The following NRG2 variants were observed in gnomAD, a reference collection of about 807,000 sequenced individuals.
NRG2 encodes the protein neuregulin 2.
Under a neutral mutation model 73.9 loss-of-function variants are expected in NRG2, and 27 were observed. The observed-to-expected ratio is 0.37, with a 90% confidence interval of 0.27 to 0.50. NRG2 has a LOEUF of 0.50. Among genes scored for constraint, NRG2 ranks in the 20% least tolerant of loss-of-function variants. The pLI, the probability that NRG2 is intolerant of heterozygous loss-of-function variation, is 0.96. For synonymous variants in NRG2, 532 were observed against 541.0 expected (o/e 0.98, Z 0.23); for missense variants, 1,126 against 1,210.1 (o/e 0.93, Z 1.03).
At chr5:139,862,199 C>T (rs555057430) in intron 5 of NRG2, among the ~76,000 whole-genome samples, 3 of 152,194 alleles carry the variant, frequency 2.0e-5, no homozygotes, top group Non-Finnish European at 4.4e-5. Context: ...TGCATCACTC[C>T]TCTGGGAACC....
chr5:140,038,470 A>C lies in NRG2; in HGVS notation c.700+3900T>G, dbSNP rs77554368. Among the ~76,000 whole-genome samples, 121 of 152,342 alleles carry C rather than the reference A, an allele frequency of 7.9e-4. 1 individual carries two copies. The East Asian group carries it at 0.022, about 27-fold the overall frequency. ...TAAGCACATTGTGGTTAAGTACTCT[A>C]GTTGATAATGATTCTTTCGGAAGAA... On this transcript the variant is annotated intron_variant, in intron 1 of 9. Transcript: ENST00000361474.
chr5:139,961,288 G>A (rs930123137), intron 1 of NRG2, among the ~76,000 whole-genome samples: 1 of 152,028 alleles, frequency 6.6e-6, no homozygotes, highest in African/African-American at 2.4e-5. Context: ...GTTTCGGCAG[G>A]GCCTTCTCTC....
Position 139,847,021 on chromosome 5 carries a change from T to C in NRG2, c.*896A>G, listed in dbSNP as rs534117668. 2.0e-5 allele frequency: 3 copies of C among 152,078 alleles called. No homozygotes were observed. The East Asian group carries it at 5.8e-4, about 29-fold the overall frequency. The allele number at this position is 152,078 out of a possible 1,614,324, so 9.4% of individuals were successfully genotyped here. A position where few individuals can be genotyped will look rare whatever the true frequency, so the allele number is the denominator to read the frequency against. On this transcript the variant is annotated 3_prime_UTR_variant, in exon 10 of 10. Transcript: ENST00000361474. ...TAGGAGGCAGCCTGTGAGAAGGAAA[T>C]GGTGTTACTTTATTGCTAAAAGGGG...
At chr5:139,885,488 G>A (rs1315577730) in intron 2 of NRG2, among the ~76,000 whole-genome samples, 2 of 152,196 alleles carry the variant, frequency 1.3e-5, no homozygotes, top group Non-Finnish European at 2.9e-5. Context: ...AGTGGAGGAC[G>A]AGAGTGCGCA....
chr5:139,991,120 A>G (rs1757594640), intron 1 of NRG2, among the ~76,000 whole-genome samples: 2 of 152,156 alleles, frequency 1.3e-5, no homozygotes, highest in South Asian at 4.2e-4. Context: ...CTAGAAATAC[A>G]AAAATTAACC....
chr5:139,900,754 A>T (rs1039767509), intron 1 of NRG2, among the ~76,000 whole-genome samples: 2 of 152,250 alleles, frequency 1.3e-5, no homozygotes, highest in African/African-American at 2.4e-5. Context: ...GGGCCTGCCC[A>T]GGCTGGGCCA....
Position 139,964,887 on chromosome 5 carries a change from G to A in NRG2, c.701-77376C>T, listed in dbSNP as rs140590872. ...ATGCCAGGAGAGATGGTTTTTGTCT[G>A]ACTGTCAGGAGATGCCACTGTGTCA... On this transcript the variant is annotated intron_variant, in intron 1 of 9. Coordinates refer to ENST00000361474, the MANE Select transcript of NRG2 (RefSeq NM_004883.3). 1.7e-3 allele frequency among the ~76,000 whole-genome samples: 263 copies of A among 152,350 alleles called. 1 individual carries two copies. The highest frequency in any genetic ancestry group is 6.1e-3 in the African/African-American group (253 of 41,584).
chr5:139,937,057 C>T (rs956721328), intron 1 of NRG2, among the ~76,000 whole-genome samples: 2 of 152,236 alleles, frequency 1.3e-5, no homozygotes, highest in African/African-American at 4.8e-5. Context: ...CTGCCTTGGC[C>T]TCCCAAACTG....
At chr5:139,991,603 G>A (rs762770340) in intron 1 of NRG2, among the ~76,000 whole-genome samples, 2 of 152,032 alleles carry the variant, frequency 1.3e-5, no homozygotes, top group African/African-American at 2.4e-5. Flanking sequence ...CACCATTTTG[G>A]CCAGGCTAGT....
At chr5:139,859,226 G>A (rs574801392) in intron 5 of NRG2, among the ~76,000 whole-genome samples, 1 of 152,224 alleles carries the variant, frequency 6.6e-6, no homozygotes, top group African/African-American at 2.4e-5. Flanking sequence ...TTCTGAGCTG[G>A]GAGACAAGGG....
At chr5:140,037,363 C>T (rs1038170802) in intron 1 of NRG2, among the ~76,000 whole-genome samples, 1 of 152,172 alleles carries the variant, frequency 6.6e-6, no homozygotes, top group African/African-American at 2.4e-5. Context: ...TCAGGGAAAA[C>T]TTAACGGCAA....
At chr5:139,859,826 G>T (rs867471669) in intron 5 of NRG2, 5 of 1,533,038 alleles carry the variant, frequency 3.3e-6, no homozygotes, top group Non-Finnish European at 4.5e-6. Context: ...AGCACACATG[G>T]CATCGGAGGC....
chr5:139,878,941 G>A (rs1000059033), intron 3 of NRG2, among the ~76,000 whole-genome samples: 8 of 152,226 alleles, frequency 5.3e-5, no homozygotes, highest in African/African-American at 1.9e-4. Context: ...TGAGCCAGGT[G>A]CTGTGCTAGA....
At chr5:139,913,105 A>G (rs1253740153) in intron 1 of NRG2, among the ~76,000 whole-genome samples, 2 of 152,196 alleles carry the variant, frequency 1.3e-5, no homozygotes. Context: ...AGTGGCATGC[A>G]CACACAGGAC....
At chr5:139,857,339 A>C (rs1419974935) in intron 5 of NRG2, among the ~76,000 whole-genome samples, 1 of 152,172 alleles carries the variant, frequency 6.6e-6, no homozygotes, top group East Asian at 1.9e-4. Flanking sequence ...TCAAATTTTT[A>C]TGTCCTGCCC....
intron 1 of NRG2, among the ~76,000 whole-genome samples, chr5:139,892,335 C>CTT (rs1764266293): frequency 6.6e-6 from 1 of 152,112 alleles, no homozygotes; most frequent in Non-Finnish European, 1.5e-5. Context: ...GCATTAGAGG[C>CTT]TATAAGTTGG....
chr5:139,848,960 A>T (rs563262092), intron 9 of NRG2, among the ~76,000 whole-genome samples: 3 of 152,166 alleles, frequency 2.0e-5, no homozygotes, highest in Non-Finnish European at 4.4e-5. Context: ...TCCAGATTGT[A>T]TCAGTGGGAT....
chr5:139,976,325 A>G (rs1756381946), intron 1 of NRG2, among the ~76,000 whole-genome samples: 1 of 152,224 alleles, frequency 6.6e-6, no homozygotes, highest in Admixed American at 6.5e-5. Context: ...ATTGCTCACA[A>G]TGCCTTCCCC....
At chr5:139,892,252 G>A (rs959622401) in intron 1 of NRG2, among the ~76,000 whole-genome samples, 3 of 152,218 alleles carry the variant, frequency 2.0e-5, no homozygotes, top group African/African-American at 7.2e-5. Context: ...AGCCCTGCCA[G>A]GTTTTCTGTG....
Sources: allele counts gnomAD v4.1 joint callset (sites outside exome capture counted in the v4.1 genomes callset), GRCh38; gene constraint gnomAD v4.1.1; transcripts MANE v1.5; gene names NCBI Gene and HGNC (gene_info 2026-07-23, HGNC 2026-07-21).